The following RBFOX3 variants were observed in gnomAD, a reference collection of about 807,000 sequenced individuals.
RBFOX3 encodes the protein RNA binding protein fox-1 homolog 3.
A neutral mutation model predicts 48.7 loss-of-function variants in RBFOX3; 17 were observed. The ratio of observed to expected loss-of-function variants is 0.35; its 90% CI spans 0.24 to 0.52. The LOEUF (loss-of-function observed/expected upper bound fraction) is 0.52, where lower values mean the gene tolerates loss of function less well. RBFOX3 is among the 20% of genes least tolerant of loss of function. The pLI is 0.94. For synonymous variants in RBFOX3, 212 were observed against 209.5 expected (o/e 1.01, Z -0.10); for missense variants, 382 against 497.5 (o/e 0.77, Z 2.21).
chr17:79,297,383 G>T (rs1412649334), intron 3 of RBFOX3, among the ~76,000 whole-genome samples: 2 of 152,184 alleles, frequency 1.3e-5, no homozygotes, highest in East Asian at 1.9e-4. Context: ...CTGGGGTGCT[G>T]CTGCACATCC....
At chr17:79,219,157 A>T (rs1420561253) in intron 4 of RBFOX3, among the ~76,000 whole-genome samples, 2 of 152,162 alleles carry the variant, frequency 1.3e-5, no homozygotes, top group Non-Finnish European at 2.9e-5. Flanking sequence ...CTGGAGTTCC[A>T]TGCTGCAGGG....
Position 79,273,813 on chromosome 17 carries a change from G to A in RBFOX3, c.-74+33911C>T, listed in dbSNP as rs943781807. ...GAAAGAGCTGGGCTGCAGGGAGCCC[G>A]TGCCCTCCTGCCACAGTGACAGGCA... is the stretch of plus-strand genomic sequence containing the variant. On this transcript the variant is annotated intron_variant, in intron 3 of 14. Coordinates refer to ENST00000693108, the MANE Select transcript of RBFOX3 (RefSeq NM_001350451.2). 9.8e-5 allele frequency among the ~76,000 whole-genome samples: 15 copies of A among 152,294 alleles called. No individual in the cohort carries two copies. The East Asian group carries it at 1.2e-3, about 12-fold the overall frequency.
chr17:79,281,967 C>A (rs975571603), intron 3 of RBFOX3, among the ~76,000 whole-genome samples: 1 of 152,088 alleles, frequency 6.6e-6, no homozygotes, highest in African/African-American at 2.4e-5. Flanking sequence ...CATCACTGAG[C>A]GGGTCCGTGG....
At chr17:79,425,527 G>A (rs1555725026) in intron 2 of RBFOX3, among the ~76,000 whole-genome samples, 1 of 152,264 alleles carries the variant, frequency 6.6e-6, no homozygotes, top group Non-Finnish European at 1.5e-5. Context: ...CTTCAGAGGG[G>A]CAAAGCCTGA....
intron 1 of RBFOX3, among the ~76,000 whole-genome samples, chr17:79,583,367 G>A (rs961831706): frequency 6.6e-6 from 1 of 152,172 alleles, no homozygotes; most frequent in Non-Finnish European, 1.5e-5. Flanking sequence ...GGGACCCCAC[G>A]GTGACTCAGG....
the RBFOX3 span, among the ~76,000 whole-genome samples, chr17:79,662,351 T>C: frequency 3.9e-5 from 6 of 151,990 alleles, no homozygotes; most frequent in African/African-American, 1.4e-4. Flanking sequence ...CTCAATCTCC[T>C]GACCTTGTGA....
chr17:79,092,959 G>A (rs1048843888), intron 14 of RBFOX3, among the ~76,000 whole-genome samples: 1 of 151,886 alleles, frequency 6.6e-6, no homozygotes, highest in African/African-American at 2.4e-5. Context: ...TTATGCAGAG[G>A]GGGGGTCCCA....
At chr17:79,585,976 T>A (rs1451762748) in intron 1 of RBFOX3, among the ~76,000 whole-genome samples, 1 of 152,138 alleles carries the variant, frequency 6.6e-6, no homozygotes, top group South Asian at 2.1e-4. Context: ...AGCCTTCCCA[T>A]CTCCCAGGCT....
chr17:79,151,202 C>T (rs2044341355), intron 4 of RBFOX3, among the ~76,000 whole-genome samples: 1 of 151,896 alleles, frequency 6.6e-6, no homozygotes, highest in Non-Finnish European at 1.5e-5. Context: ...TGCTGACCAC[C>T]CCCTGCCCTG....
chr17:79,155,303 C>T (rs1555720199), intron 4 of RBFOX3, among the ~76,000 whole-genome samples: 1 of 152,198 alleles, frequency 6.6e-6, no homozygotes, highest in Non-Finnish European at 1.5e-5. Flanking sequence ...AGCAATCACT[C>T]AGACTCCTCA....
At chr17:79,186,416 C>G (rs904044651) in intron 4 of RBFOX3, among the ~76,000 whole-genome samples, 3 of 152,262 alleles carry the variant, frequency 2.0e-5, no homozygotes, top group African/African-American at 7.2e-5. Flanking sequence ...AGGCCTGACT[C>G]TGCGGACCCC....
intron 2 of RBFOX3, among the ~76,000 whole-genome samples, chr17:79,352,926 A>G (rs899452991): frequency 6.6e-6 from 1 of 152,192 alleles, no homozygotes; most frequent in African/African-American, 2.4e-5. Context: ...CACTCCAGCG[A>G]GCACTGCCAG....
intron 2 of RBFOX3, among the ~76,000 whole-genome samples, chr17:79,383,904 G>A (rs2060240876): frequency 6.6e-6 from 1 of 152,152 alleles, no homozygotes; most frequent in Non-Finnish European, 1.5e-5. Flanking sequence ...GTGGCCCCCG[G>A]GACCCCCATA....
chr17:79,257,994 C>T (rs370732443), intron 3 of RBFOX3, among the ~76,000 whole-genome samples: 5 of 152,114 alleles, frequency 3.3e-5, no homozygotes, highest in Non-Finnish European at 7.4e-5. Flanking sequence ...CTTCTCTCTC[C>T]CCCTTTATCC....
rs1001556802 is a variant in RBFOX3 at position 79,265,002 on chromosome 17, C to A, written c.-73-29197G>T. On this transcript the variant is annotated intron_variant, in intron 3 of 14. Transcript: ENST00000693108. ...CGCAGATTTGTGGCGATCATAAAAA[C>A]TGCATCAAACTACTACAGAAAGCAG... Among the ~76,000 whole-genome samples, 14 of 151,578 alleles carry A rather than the reference C, an allele frequency of 9.2e-5. No individual in the cohort carries two copies. The East Asian group carries it at 2.7e-3, about 29-fold the overall frequency.
chr17:79,252,837 C>G lies in RBFOX3; in HGVS notation c.-73-17032G>C, dbSNP rs77333574. Among the ~76,000 whole-genome samples, 1,030 of 152,286 alleles carry G rather than the reference C, an allele frequency of 6.8e-3. 8 individuals carry two copies. The highest frequency in any genetic ancestry group is 0.023 in the African/African-American group (963 of 41,550). On this transcript the variant is annotated intron_variant, in intron 3 of 14. Coordinates refer to ENST00000693108, the MANE Select transcript of RBFOX3 (RefSeq NM_001350451.2). This position sits in a 1 kb window ranked among gnomAD's most constrained non-coding sequence, Gnocchi z 4.0. Reference sequence around the variant, plus strand: ...TGAGGCGTGGACCCAGGCTTTCTGCCTCTCCAATGAGACAGGAGGGCAGGG... The same window carrying G: ...TGAGGCGTGGACCCAGGCTTTCTGCGTCTCCAATGAGACAGGAGGGCAGGG...
rs147088609 is a variant in RBFOX3, at chr17:79,140,226, G to A, written c.-33-24478C>T. ...TCCATTGTACAGGTGAGGAAACTGAGGCTGCGAGAGCTTAGTGGCTATGGG... is the reference window on the plus strand; with the variant it reads ...TCCATTGTACAGGTGAGGAAACTGAAGCTGCGAGAGCTTAGTGGCTATGGG... On this transcript the variant is annotated intron_variant, in intron 4 of 14. Transcript: ENST00000693108. 7.2e-4 allele frequency among the ~76,000 whole-genome samples: 110 copies of A among 152,374 alleles called. 2 individuals carry two copies. The East Asian group carries it at 0.02, about 28-fold the overall frequency.
chr17:79,476,705 A>T (rs934494406), intron 2 of RBFOX3, among the ~76,000 whole-genome samples: 2 of 152,184 alleles, frequency 1.3e-5, no homozygotes, highest in African/African-American at 4.8e-5. Flanking sequence ...ACTGCAGAGA[A>T]GGAACCAGAT....
At chr17:79,383,314 C>T (rs550536255) in intron 2 of RBFOX3, among the ~76,000 whole-genome samples, 14 of 152,370 alleles carry the variant, frequency 9.2e-5, no homozygotes, top group South Asian at 2.1e-4. Context: ...CGGCTGGCCA[C>T]GTGACCACTG....
Sources: gnomAD v4.1 joint callset for allele counts (sites outside exome capture counted in the v4.1 genomes callset) on GRCh38, gnomAD v4.1.1 for gene constraint, Gnocchi (gnomAD v3.1) non-coding constraint, MANE v1.5 for transcripts, NCBI Gene and HGNC (gene_info 2026-07-23, HGNC 2026-07-21) for gene names.